The following DUSP22 variants were observed in gnomAD, a reference collection of about 807,000 sequenced individuals.
DUSP22 encodes dual specificity protein phosphatase 22.
DUSP22 carries 24 observed loss-of-function variants against 24.5 expected under a neutral mutation model. The ratio of observed to expected loss-of-function variants is 0.98; its 90% confidence interval spans 0.71 to 1.38. The LOEUF is 1.38. Among genes scored for constraint, DUSP22 ranks in the 40% most tolerant of loss-of-function variants. DUSP22 has a pLI of 0.00. For synonymous variants in DUSP22, 160 were observed against 106.4 expected (o/e 1.50, Z -3.10); for missense variants, 330 against 269.2 (o/e 1.23, Z -1.58).
At chr6:326,754 G>C (rs1348480240) in intron 3 of DUSP22, among the ~76,000 whole-genome samples, 3 of 152,306 alleles carry the variant, frequency 2.0e-5, no homozygotes, top group African/African-American at 7.2e-5. Flanking sequence ...CTTGTTTAAA[G>C]TCCTGTGTTC....
At chr6:337,731 G>C (rs1300655658) in intron 4 of DUSP22, among the ~76,000 whole-genome samples, 1 of 152,306 alleles carries the variant, frequency 6.6e-6, no homozygotes. Flanking sequence ...CACCCGAATA[G>C]TGAACGTTTT....
intron 1 of DUSP22, among the ~76,000 whole-genome samples, chr6:297,678 A>C (rs1273174169): frequency 6.6e-6 from 1 of 152,308 alleles, no homozygotes; most frequent in African/African-American, 2.4e-5. Flanking sequence ...CCAGTTGAGA[A>C]CCACTATTGA....
intron 3 of DUSP22, among the ~76,000 whole-genome samples, chr6:313,046 T>C (rs1355311751): frequency 1.4e-5 from 2 of 147,712 alleles, no homozygotes; most frequent in African/African-American, 5.0e-5. Context: ...CAACAAAACA[T>C]TTTTTTGGAG....
At chr6:292,716 G>A (rs1381608326) in intron 1 of DUSP22, among the ~76,000 whole-genome samples, 156 bp downstream of exon 1, 1 of 152,284 alleles carries the variant, frequency 6.6e-6, no homozygotes, top group African/African-American at 2.4e-5. Flanking sequence ...GGCGACCGCG[G>A]AGTCGGGGTT....
At position 350,703 on chromosome 6, in the gene DUSP22, G is replaced by T; in HGVS notation, c.*1752G>T. Reference sequence around the variant, plus strand: ...AAAATAAATACGTTAACAGAAAAATGATTTAGGATATAGCTTGAATGCTTA... The same window carrying T: ...AAAATAAATACGTTAACAGAAAAATTATTTAGGATATAGCTTGAATGCTTA... On this transcript the variant is annotated 3_prime_UTR_variant, in exon 7 of 7. Transcript: ENST00000419235. The T allele has an allele frequency of 1.3e-6, 2 of 1,590,168 alleles. No individual in the cohort carries two copies. The highest frequency in any genetic ancestry group is 2.3e-5 in the East Asian group (1 of 44,432).
At position 350,431 on chromosome 6, in the gene DUSP22, T is replaced by A; in HGVS notation, c.*1480T>A. On this transcript the variant is annotated 3_prime_UTR_variant, in exon 7 of 7. Coordinates refer to ENST00000419235, the MANE Select transcript of DUSP22 (RefSeq NM_001286555.3). The stretch of plus-strand genomic sequence containing the variant: ...TACTCGACCTCTCCCTAAAAAGATG[T>A]TGCAACCCAGTTTCTCTGAATTCCA... The A allele has an allele frequency of 1.8e-6, 2 of 1,126,530 alleles. No homozygotes were observed. The highest frequency in any genetic ancestry group is 2.2e-6 in the Non-Finnish European group (2 of 916,566). 69.8% of individuals were successfully genotyped at this position (1,126,530 alleles called of 1,614,324 possible).
At chr6:322,908 A>G (rs1758678200) in intron 3 of DUSP22, among the ~76,000 whole-genome samples, 1 of 152,300 alleles carries the variant, frequency 6.6e-6, no homozygotes, top group South Asian at 2.1e-4. Flanking sequence ...TTAAGACCCA[A>G]AGCCGGGTTA....
intron 2 of DUSP22, among the ~76,000 whole-genome samples, chr6:306,918 G>A (rs1370944763): frequency 6.6e-6 from 1 of 152,306 alleles, no homozygotes; most frequent in Non-Finnish European, 1.5e-5. Flanking sequence ...TAGCGGGGCT[G>A]ACCCAGACAA....
rs1757188620 is a variant in DUSP22 at position 293,508 on chromosome 6, C to T, written c.21+948C>T. ...CTTTCTGCTTCACTTTTTCATTGCG[C>T]TCCACCCACCCACATCTCTACATGC... is the stretch of plus-strand genomic sequence containing the variant. On this transcript the variant is annotated intron_variant, in intron 1 of 6. Coordinates refer to ENST00000419235, the MANE Select transcript of DUSP22 (RefSeq NM_001286555.3). 2.0e-5 allele frequency among the ~76,000 whole-genome samples: 3 copies of T among 152,282 alleles called. No individual in the cohort carries two copies. In the South Asian group the frequency reaches 6.2e-4, roughly 31 times the overall value.
intron 3 of DUSP22, among the ~76,000 whole-genome samples, chr6:314,008 T>C (rs1195828205): frequency 4.6e-5 from 7 of 152,414 alleles, no homozygotes; most frequent in South Asian, 2.1e-4. Flanking sequence ...TCACGCAGCC[T>C]GAGATGAGTC....
intron 3 of DUSP22, among the ~76,000 whole-genome samples, chr6:317,367 C>G (rs1758381030): frequency 6.6e-6 from 1 of 152,310 alleles, no homozygotes; most frequent in Non-Finnish European, 1.5e-5. Context: ...GTTGGCTTCC[C>G]AAATGTAAAG....
chr6:324,736 T>C (rs1246380025), intron 3 of DUSP22, among the ~76,000 whole-genome samples: 1 of 152,304 alleles, frequency 6.6e-6, no homozygotes, highest in Non-Finnish European at 1.5e-5. Context: ...GGTGTTCGGC[T>C]GGAGGGATCA....
intron 2 of DUSP22, among the ~76,000 whole-genome samples, chr6:309,289 G>C (rs1309225457): frequency 6.6e-6 from 1 of 152,304 alleles, no homozygotes; most frequent in East Asian, 1.9e-4. Flanking sequence ...TTCTGAGCCT[G>C]ATAACTTAAA....
At chr6:348,515 T>C in intron 6 of DUSP22, 1 of 855,198 alleles carries the variant, frequency 1.2e-6, no homozygotes, top group Non-Finnish European at 1.8e-6. Flanking sequence ...TACTAGTTTG[T>C]TTCTCTCCCT....
chr6:342,655 G>C (rs1443336980), intron 4 of DUSP22, among the ~76,000 whole-genome samples: 2 of 152,310 alleles, frequency 1.3e-5, no homozygotes, highest in Non-Finnish European at 2.9e-5. Flanking sequence ...ACTGACACAT[G>C]GCATTCTAAG....
intron 2 of DUSP22, among the ~76,000 whole-genome samples, chr6:307,991 G>A (rs1245297669): frequency 6.6e-6 from 1 of 152,306 alleles, no homozygotes; most frequent in African/African-American, 2.4e-5. Flanking sequence ...TAACCTTCCT[G>A]TTGGTTTTAT....
intron 3 of DUSP22, among the ~76,000 whole-genome samples, chr6:329,795 G>T (rs950205749): frequency 3.0e-4 from 46 of 152,390 alleles, no homozygotes; most frequent in African/African-American, 1.1e-3. Context: ...AAATAGTATA[G>T]AGAGAGGCTG....
chr6:317,748 G>T (rs1180913960), intron 3 of DUSP22, among the ~76,000 whole-genome samples: 1 of 152,304 alleles, frequency 6.6e-6, no homozygotes, highest in African/African-American at 2.4e-5. Flanking sequence ...GGTTTCTCTG[G>T]TCCTTGCAGC....
chr6:335,311 G>A, intron 4 of DUSP22, 148 bp downstream of exon 4: 1 of 1,035,942 alleles, frequency 9.7e-7, no homozygotes, highest in Non-Finnish European at 1.4e-6. Flanking sequence ...GCCTACAGAG[G>A]CCAACGCTAG....
Sources: gnomAD v4.1 joint callset for allele counts (sites outside exome capture counted in the v4.1 genomes callset) on GRCh38, gnomAD v4.1.1 for gene constraint, MANE v1.5 for transcripts, NCBI Gene and HGNC (gene_info 2026-07-23, HGNC 2026-07-21) for gene names.